LPP: variants seen among roughly 807,000 people sequenced by gnomAD.
The protein encoded by LPP is lipoma-preferred partner.
In LPP, 38 loss-of-function variants were observed where a neutral mutation model predicts 60.4. The ratio of observed to expected loss-of-function variants is 0.63; its 90% CI spans 0.49 to 0.83. The LOEUF (loss-of-function observed/expected upper bound fraction) is 0.83. Among genes scored for constraint, LPP ranks in the 40% least tolerant of loss-of-function variants. The pLI, the probability that LPP is intolerant of heterozygous loss-of-function variation, is 0.00. For missense variants in LPP, 902 were observed against 783.6 expected, an observed-to-expected ratio of 1.15 and a Z score of -1.80; for synonymous variants, 328 against 290.8, an observed-to-expected ratio of 1.13 and a Z score of -1.30.
intron 6 of LPP, among the ~76,000 whole-genome samples, chr3:188,545,277 A>G (rs976078288): frequency 5.9e-5 from 9 of 151,960 alleles, no homozygotes; most frequent in African/African-American, 2.2e-4. Flanking sequence ...CATTAAAAAA[A>G]AAAAAGAAAA....
rs1453896314 is a variant in LPP at position 188,843,655 on chromosome 3, G to C, written c.1411-22545G>C. ...ACAAAAAATTAGCCGGGCGCAGTGG[G>C]GGGCGCCTGTAGTCCCAGCTACTCG... On this transcript the variant is annotated intron_variant, in intron 9 of 11. Transcript: ENST00000617246. 9.0e-5 allele frequency among the ~76,000 whole-genome samples: 13 copies of C among 144,824 alleles called. No homozygotes were observed. The South Asian group carries it at 1.5e-3, about 16-fold the overall frequency.
rs147158938 is a variant in LPP at position 188,546,625 on chromosome 3, G to A, written c.429+21838G>A. On this transcript the variant is annotated intron_variant, in intron 6 of 11. Coordinates refer to ENST00000617246, the MANE Select transcript of LPP (RefSeq NM_001375462.1). ...TAGGGAAGGCAGCTGAGTAAGTAACGATATTTTTAAAAAAATTGGAAATAG... is the reference window on the plus strand; with the variant it reads ...TAGGGAAGGCAGCTGAGTAAGTAACAATATTTTTAAAAAAATTGGAAATAG... Among the ~76,000 whole-genome samples the A allele has an allele frequency of 4.3e-4, 66 of 152,196 alleles. No homozygotes were observed. In the East Asian group the frequency reaches 0.012, roughly 28 times the overall value.
chr3:188,415,379 AT>A (rs990518838), intron 4 of LPP, among the ~76,000 whole-genome samples: 3 of 152,140 alleles, frequency 2.0e-5, no homozygotes, highest in Admixed American at 6.6e-5. Flanking sequence ...CTTTGGCGGT[AT>A]TTTACAAAAG....
chr3:188,276,438 C>T (rs957179893), intron 2 of LPP, among the ~76,000 whole-genome samples: 10 of 152,176 alleles, frequency 6.6e-5, no homozygotes, highest in East Asian at 3.9e-4. Context: ...AAGAGTGGTT[C>T]GTGGCCCTGG....
At chr3:188,647,615 G>A (rs1374848060) in intron 7 of LPP, among the ~76,000 whole-genome samples, 2 of 152,170 alleles carry the variant, frequency 1.3e-5, no homozygotes, top group Admixed American at 1.3e-4. Flanking sequence ...GAGACAGAGA[G>A]TGCATTCACA....
At chr3:188,702,022 T>G (rs1864548176) in intron 7 of LPP, among the ~76,000 whole-genome samples, 1 of 138,628 alleles carries the variant, frequency 7.2e-6, no homozygotes, top group East Asian at 2.4e-4. Context: ...TGATCTGGGC[T>G]CACTGCAACC....
chr3:188,289,698 A>T (rs144653055), intron 2 of LPP, among the ~76,000 whole-genome samples: 5 of 152,320 alleles, frequency 3.3e-5, no homozygotes, highest in African/African-American at 1.2e-4. Context: ...ACGTAGACAG[A>T]TAGTGCTAAT....
intron 2 of LPP, among the ~76,000 whole-genome samples, chr3:188,232,713 A>G (rs1450429717): frequency 2.6e-5 from 4 of 152,090 alleles, no homozygotes; most frequent in African/African-American, 4.8e-5. Context: ...AAAAGTACAT[A>G]GTAGGAAATA....
intron 5 of LPP, among the ~76,000 whole-genome samples, chr3:188,512,427 T>A (rs1223270999): frequency 1.3e-5 from 2 of 151,990 alleles, no homozygotes; most frequent in African/African-American, 4.8e-5. Context: ...TGGCACGCAC[T>A]TGTAATCCTA....
chr3:188,194,472 G>C (rs184389460), intron 1 of LPP, among the ~76,000 whole-genome samples: 7 of 152,082 alleles, frequency 4.6e-5, no homozygotes, highest in African/African-American at 1.7e-4. Context: ...GGCTCACTCC[G>C]TCCTGCCCAA....
chr3:188,652,802 A>C (rs1421107108), intron 7 of LPP, among the ~76,000 whole-genome samples: 2 of 152,166 alleles, frequency 1.3e-5, no homozygotes, highest in Admixed American at 1.3e-4. Context: ...ACCATTTACC[A>C]GGTCCTATTA....
intron 5 of LPP, among the ~76,000 whole-genome samples, chr3:188,497,366 A>G (rs1479266255): frequency 6.6e-6 from 1 of 152,212 alleles, no homozygotes; most frequent in Non-Finnish European, 1.5e-5. Context: ...TTTCTAAACA[A>G]GTGAAGGATT....
intron 2 of LPP, among the ~76,000 whole-genome samples, chr3:188,269,150 C>A (rs1736713762): frequency 6.6e-6 from 1 of 152,152 alleles, no homozygotes; most frequent in African/African-American, 2.4e-5. Context: ...ATACGACATA[C>A]TGTTAAGGGT....
chr3:188,756,939 G>A (rs533449276), intron 8 of LPP, among the ~76,000 whole-genome samples: 15 of 152,284 alleles, frequency 9.9e-5, no homozygotes, highest in African/African-American at 2.9e-4. Context: ...AGGCAATTCC[G>A]TGTCATGCCA....
chr3:188,304,641 A>G (rs564971884), intron 2 of LPP, among the ~76,000 whole-genome samples: 1 of 152,184 alleles, frequency 6.6e-6, no homozygotes, highest in Non-Finnish European at 1.5e-5. Context: ...GTTTCCCTGG[A>G]GAGCTTAACA....
At chr3:188,507,484 G>C (rs1181830718) in intron 5 of LPP, among the ~76,000 whole-genome samples, 3 of 146,394 alleles carry the variant, frequency 2.0e-5, no homozygotes, top group Non-Finnish European at 4.5e-5. Flanking sequence ...TTTTTTTTTT[G>C]TAGTGAAAAT....
intron 3 of LPP, among the ~76,000 whole-genome samples, chr3:188,351,557 A>G (rs1765847779): frequency 6.6e-6 from 1 of 152,306 alleles, no homozygotes. Flanking sequence ...CATTCATTGT[A>G]TGTCTGTTAT....
chr3:188,789,893 C>A (rs1468675468), intron 9 of LPP, among the ~76,000 whole-genome samples: 3 of 152,118 alleles, frequency 2.0e-5, no homozygotes, highest in Admixed American at 2.0e-4. Flanking sequence ...GACCAGCCGG[C>A]ATTTATAAGT....
intron 7 of LPP, among the ~76,000 whole-genome samples, chr3:188,636,114 CG>C (rs1370543240): frequency 6.6e-6 from 1 of 152,174 alleles, no homozygotes; most frequent in Non-Finnish European, 1.5e-5. Context: ...ACGCAGAAGG[CG>C]GGTGATTTCT....
Sources: allele counts gnomAD v4.1 joint callset (sites outside exome capture counted in the v4.1 genomes callset), GRCh38; gene constraint gnomAD v4.1.1; transcripts MANE v1.5; gene names NCBI Gene and HGNC (gene_info 2026-07-23, HGNC 2026-07-21).